SHROOM3: variants seen among roughly 807,000 people sequenced by gnomAD.
The protein encoded by SHROOM3 is shroom family member 3.
Under a neutral mutation model 138.6 loss-of-function variants are expected in SHROOM3, and 47 were observed. The observed-to-expected ratio is 0.34, with a 90% CI of 0.27 to 0.43. SHROOM3 has a LOEUF of 0.43. Among genes scored for constraint, SHROOM3 ranks in the 20% least tolerant of loss-of-function variants. SHROOM3 has a pLI of 1.00. For synonymous variants in SHROOM3, 1,062 were observed against 1,063.3 expected (o/e 1.00, Z 0.02); for missense variants, 2,491 against 2,596.5 (o/e 0.96, Z 0.88).
At chr4:76,566,657 G>A (rs1030039526) in intron 2 of SHROOM3, among the ~76,000 whole-genome samples, 1 of 152,340 alleles carries the variant, frequency 6.6e-6, no homozygotes, top group Admixed American at 6.5e-5. Flanking sequence ...TGAAGGTCCT[G>A]GAGAAGAATC....
chr4:76,729,949 A>G (rs1359672674), intron 3 of SHROOM3, among the ~76,000 whole-genome samples: 1 of 152,240 alleles, frequency 6.6e-6, no homozygotes, highest in Non-Finnish European at 1.5e-5. Flanking sequence ...AAGTGTTTCT[A>G]AACTGCAGAA....
intron 2 of SHROOM3, among the ~76,000 whole-genome samples, chr4:76,646,190 G>A (rs920286252): frequency 4.7e-5 from 6 of 128,496 alleles, no homozygotes; most frequent in Admixed American, 1.7e-4. Context: ...TGCATGTTGT[G>A]CACATGTACC....
chr4:76,460,562 G>T (rs1731119613), intron 1 of SHROOM3, among the ~76,000 whole-genome samples: 1 of 152,038 alleles, frequency 6.6e-6, no homozygotes, highest in African/African-American at 2.4e-5. Context: ...AGAAGTCCAG[G>T]ATCAAGGTGT....
chr4:76,639,887 C>T (rs1035521509), intron 2 of SHROOM3, among the ~76,000 whole-genome samples: 1 of 152,124 alleles, frequency 6.6e-6, no homozygotes, highest in Admixed American at 6.6e-5. Flanking sequence ...TTTCTGCAAA[C>T]TTCTTTTTTA....
chr4:76,449,378 A>G (rs1244946516), intron 1 of SHROOM3, among the ~76,000 whole-genome samples: 2 of 152,220 alleles, frequency 1.3e-5, no homozygotes, highest in Admixed American at 6.5e-5. Flanking sequence ...ATTTGACAAT[A>G]TAATGTGGTA....
intron 2 of SHROOM3, among the ~76,000 whole-genome samples, chr4:76,704,736 C>T (rs1560596615): frequency 6.6e-6 from 1 of 152,244 alleles, no homozygotes; most frequent in East Asian, 1.9e-4. Flanking sequence ...CAGGGAATGA[C>T]ATCATCCATT....
intron 1 of SHROOM3, among the ~76,000 whole-genome samples, chr4:76,551,920 GGT>G (rs1733363306): frequency 1.3e-5 from 2 of 151,210 alleles, no homozygotes; most frequent in Non-Finnish European, 2.9e-5. Flanking sequence ...GGAGTGCAGT[GGT>G]GCGATCTCGG....
At chr4:76,602,490 G>A (rs183661580) in intron 2 of SHROOM3, among the ~76,000 whole-genome samples, 7 of 149,522 alleles carry the variant, frequency 4.7e-5, no homozygotes, top group East Asian at 3.9e-4. Flanking sequence ...TTTTTTTTTC[G>A]TTAGAATTCT....
In SHROOM3 at chr4:76,741,298, C is replaced by T. The variant is rs369070542; in HGVS notation, c.3125C>T (p.Pro1042Leu). The T allele has an allele frequency of 1.2e-6, 2 of 1,611,884 alleles. No homozygotes were observed. The highest frequency in any genetic ancestry group is 2.7e-5 in the African/African-American group (2 of 74,892). ...VEEAEPAPLGPQRNGMRFPES... is the reference protein window; with the variant it reads ...VEEAEPAPLGLQRNGMRFPES... ...GAGGCCGAACCGGCACCCCTGGGCC[C>T]GCAGAGAAATGGGATGCGTTTCCCG... The change falls in exon 5 of 11, where the codon CCG becomes CTG. Residue 1042 changes from proline to leucine, a missense_variant. Physicochemically the swap from Pro to Leu is moderately conservative, Grantham distance 98 (BLOSUM62 -3). This residue lies in a region of SHROOM3 where 1,733 missense variants were observed against 1,661.6 expected (regional missense o/e 1.04). Coordinates refer to ENST00000296043, the MANE Select transcript of SHROOM3 (RefSeq NM_020859.4). The surrounding 1 kb of genome is among the most constrained non-coding windows in gnomAD (Gnocchi z 6.2).
At position 76,503,167 on chromosome 4, in the gene SHROOM3, CCACA is replaced by C. The variant is rs111393161; in HGVS notation, c.169-52415_169-52412del. 7.9e-3 allele frequency among the ~76,000 whole-genome samples: 1,157 copies of C among 145,910 alleles called. 23 individuals carry two copies. The East Asian group carries it at 0.082, about 10-fold the overall frequency. The stretch of plus-strand genomic sequence containing the variant: ...TATTTTAGAAATAGTTTGTCAACTT[CCACA>C]CACACACACACACACACACACACAC... On this transcript the variant is annotated intron_variant, in intron 1 of 10. Transcript: ENST00000296043.
chr4:76,734,852 G>C (rs1187212913), intron 4 of SHROOM3, among the ~76,000 whole-genome samples: 1 of 152,164 alleles, frequency 6.6e-6, no homozygotes, highest in African/African-American at 2.4e-5. Flanking sequence ...TCAAGTAGTG[G>C]TAAGTGCTGT....
chr4:76,643,539 G>A (rs543807564), intron 2 of SHROOM3, among the ~76,000 whole-genome samples: 14 of 152,286 alleles, frequency 9.2e-5, no homozygotes, highest in Middle Eastern at 3.4e-3. Flanking sequence ...AAACAGTGAT[G>A]TTTGTTATCA....
At chr4:76,699,111 C>T (rs1431842353) in intron 2 of SHROOM3, among the ~76,000 whole-genome samples, 1 of 152,194 alleles carries the variant, frequency 6.6e-6, no homozygotes, top group Non-Finnish European at 1.5e-5. Flanking sequence ...GTAGATAATA[C>T]TTTGTCCCCT....
intron 1 of SHROOM3, among the ~76,000 whole-genome samples, chr4:76,550,541 T>C (rs889430853): frequency 6.6e-6 from 1 of 152,290 alleles, no homozygotes. Flanking sequence ...GGATGGGCCT[T>C]CTACAAAAGA....
At position 76,694,251 on chromosome 4, in the gene SHROOM3, C is replaced by T. The variant is rs142531057; in HGVS notation, c.324-15905C>T. ...GGGAATTCAATGATGAATAATAAGA[C>T]ATTGTACCCTCAAGGGTTCATAGAC... On this transcript the variant is annotated intron_variant, in intron 2 of 10. Transcript: ENST00000296043. 1.7e-3 allele frequency among the ~76,000 whole-genome samples: 252 copies of T among 152,262 alleles called. 3 individuals carry two copies. Among genetic ancestry groups the T allele is most frequent in the East Asian group, 6.4e-3 (33 of 5,190 alleles).
At chr4:76,777,395 C>T (rs1678561236) in intron 10 of SHROOM3, among the ~76,000 whole-genome samples, 1 of 152,168 alleles carries the variant, frequency 6.6e-6, no homozygotes, top group African/African-American at 2.4e-5. Flanking sequence ...TTATTCTCAG[C>T]TTGGTCGCTG....
chr4:76,460,397 T>C (rs527457276), intron 1 of SHROOM3, among the ~76,000 whole-genome samples: 1 of 152,330 alleles, frequency 6.6e-6, no homozygotes, highest in African/African-American at 2.4e-5. Context: ...CTACCACCGT[T>C]GCGACCTTTA....
intron 1 of SHROOM3, among the ~76,000 whole-genome samples, chr4:76,500,759 A>G (rs1297400481): frequency 6.6e-6 from 1 of 151,734 alleles, no homozygotes; most frequent in Non-Finnish European, 1.5e-5. Flanking sequence ...TATCTTTGGT[A>G]AAGTATCTAA....
At chr4:76,688,158 T>C (rs1380846347) in intron 2 of SHROOM3, among the ~76,000 whole-genome samples, 2 of 152,242 alleles carry the variant, frequency 1.3e-5, no homozygotes, top group African/African-American at 4.8e-5. Context: ...CAACAATGTT[T>C]GTGGTTACCC....
Sources: gnomAD v4.1 joint callset for allele counts (sites outside exome capture counted in the v4.1 genomes callset) on GRCh38, gnomAD v4.1.1 for gene constraint, gnomAD v4.1.1 regional missense constraint, Gnocchi (gnomAD v3.1) non-coding constraint, MANE v1.5 for transcripts, NCBI Gene and HGNC (gene_info 2026-07-23, HGNC 2026-07-21) for gene names.